The following ATF1 variants were observed in gnomAD, a reference collection of about 807,000 sequenced individuals.
The protein encoded by ATF1 is activating transcription factor 1.
ATF1 carries 16 observed loss-of-function variants against 34.7 expected under a neutral mutation model. The ratio of observed to expected loss-of-function variants is 0.46; its 90% confidence interval spans 0.31 to 0.70. The LOEUF is 0.70. ATF1 is among the 30% of genes least tolerant of loss of function. The pLI, the probability that ATF1 is intolerant of heterozygous loss-of-function variation, is 0.05. For synonymous variants in ATF1, 105 were observed against 113.1 expected, an observed-to-expected ratio of 0.93 and a Z score of 0.46; for missense variants, 255 against 321.6, an observed-to-expected ratio of 0.79 and a Z score of 1.58.
At chr12:50,781,951 G>C (rs1156257765) in intron 2 of ATF1, among the ~76,000 whole-genome samples, 1 of 149,350 alleles carries the variant, frequency 6.7e-6, no homozygotes, top group Non-Finnish European at 1.5e-5. Flanking sequence ...ATGAGTGTAA[G>C]AGCCATTTAA....
chr12:50,788,270 C>A (rs1941227635), intron 2 of ATF1: 1 of 451,630 alleles, frequency 2.2e-6, no homozygotes, highest in African/African-American at 2.0e-5. Context: ...GCAGCCTTGA[C>A]CTCCTGTGCT....
intron 2 of ATF1, among the ~76,000 whole-genome samples, chr12:50,789,341 G>C (rs1941253525): frequency 6.6e-6 from 1 of 152,046 alleles, no homozygotes; most frequent in Admixed American, 6.6e-5. Flanking sequence ...AGTGATTACA[G>C]GTGTGAGCCA....
intron 1 of ATF1, chr12:50,764,795 C>T (rs1940588800): frequency 6.6e-6 from 1 of 152,336 alleles, no homozygotes; most frequent in South Asian, 2.1e-4. Context: ...CGCCCCTTAC[C>T]CTCCTGGAGC....
intron 3 of ATF1, chr12:50,806,311 A>G (rs776904782): frequency 2.3e-6 from 1 of 433,602 alleles, no homozygotes; most frequent in Non-Finnish European, 4.8e-6. Flanking sequence ...CCTGTTCCCA[A>G]GTACTCATTG....
At chr12:50,814,851 A>G (rs1241104843) in intron 6 of ATF1, among the ~76,000 whole-genome samples, 8 of 144,480 alleles carry the variant, frequency 5.5e-5, no homozygotes, top group African/African-American at 2.0e-4. Flanking sequence ...AGTTAACTGT[A>G]GGCCAGGCAT....
intron 3 of ATF1, among the ~76,000 whole-genome samples, chr12:50,801,231 G>T (rs1201091119): frequency 6.6e-6 from 1 of 152,116 alleles, no homozygotes; most frequent in Non-Finnish European, 1.5e-5. Context: ...ATGGTGGTAA[G>T]GTTTCTACAT....
At chr12:50,782,097 T>A (rs1027570075) in intron 2 of ATF1, among the ~76,000 whole-genome samples, 6 of 152,172 alleles carry the variant, frequency 3.9e-5, no homozygotes, top group Non-Finnish European at 7.4e-5. Flanking sequence ...ATGAAAAGGC[T>A]TTTAAAACAC....
intron 3 of ATF1, among the ~76,000 whole-genome samples, chr12:50,808,037 G>A (rs761974384): frequency 5.9e-5 from 9 of 151,812 alleles, no homozygotes; most frequent in African/African-American, 9.7e-5. Flanking sequence ...CTTGAACTCC[G>A]GACCTCAGGT....
intron 2 of ATF1, among the ~76,000 whole-genome samples, chr12:50,781,103 C>T (rs1170922040): frequency 6.6e-6 from 1 of 152,072 alleles, no homozygotes; most frequent in Non-Finnish European, 1.5e-5. Flanking sequence ...AGTATATAGT[C>T]ATCTCTCAGT....
intron 3 of ATF1, 125 bp from the exon 4 acceptor site, chr12:50,809,331 G>A (rs1021229046): frequency 1.0e-5 from 8 of 798,382 alleles, no homozygotes; most frequent in East Asian, 2.9e-5. Context: ...CCATGATGGC[G>A]CCACTGTACT....
At chr12:50,804,386 T>C (rs1463235662) in intron 3 of ATF1, among the ~76,000 whole-genome samples, 1 of 152,100 alleles carries the variant, frequency 6.6e-6, no homozygotes, top group Non-Finnish European at 1.5e-5. Context: ...TAAAATATAT[T>C]TATCAAAAAC....
At chr12:50,776,837 C>T (rs1279155761) in intron 1 of ATF1, among the ~76,000 whole-genome samples, 1 of 152,104 alleles carries the variant, frequency 6.6e-6, no homozygotes, top group Admixed American at 6.6e-5. Flanking sequence ...AATTTATGCA[C>T]ATTCCCTGGA....
intron 2 of ATF1, among the ~76,000 whole-genome samples, chr12:50,792,549 C>G (rs140370172): frequency 2.0e-3 from 302 of 152,196 alleles, no homozygotes; most frequent in African/African-American, 7.0e-3. Flanking sequence ...ACTTAGTGGT[C>G]GAGAGTTGGA....
chr12:50,799,818 T>G (rs1592191379), intron 3 of ATF1, among the ~76,000 whole-genome samples: 1 of 152,150 alleles, frequency 6.6e-6, no homozygotes, highest in Non-Finnish European at 1.5e-5. Context: ...AATCTGAACA[T>G]AGAAAAGAGA....
intron 1 of ATF1, among the ~76,000 whole-genome samples, chr12:50,778,173 C>CCCAA (rs1328996470): frequency 2.0e-5 from 3 of 151,862 alleles, no homozygotes; most frequent in African/African-American, 7.3e-5. Context: ...GCCTCAGCCT[C>CCCAA]CCAATGTGTT....
chr12:50,789,663 G>T (rs1941259679), intron 2 of ATF1, among the ~76,000 whole-genome samples: 1 of 152,132 alleles, frequency 6.6e-6, no homozygotes, highest in Non-Finnish European at 1.5e-5. Context: ...GCTGAGGCAG[G>T]AGAATCGCTT....
chr12:50,774,491 C>T (rs1940861493), intron 1 of ATF1, among the ~76,000 whole-genome samples: 1 of 152,142 alleles, frequency 6.6e-6, no homozygotes, highest in Non-Finnish European at 1.5e-5. Context: ...GGGTTATCTC[C>T]TGTTAAGCTT....
chr12:50,789,095 C>T (rs1194691650), intron 2 of ATF1, among the ~76,000 whole-genome samples: 7 of 144,774 alleles, frequency 4.8e-5, no homozygotes, highest in Non-Finnish European at 6.0e-5. Context: ...TTTTTTTTTT[C>T]GGAGACAGAG....
intron 6 of ATF1, among the ~76,000 whole-genome samples, chr12:50,817,599 G>GAAGT (rs1449705519): frequency 6.6e-6 from 1 of 152,154 alleles, no homozygotes; most frequent in Non-Finnish European, 1.5e-5. Flanking sequence ...ATTACTGAGG[G>GAAGT]AAGTACGGAG....
Sources: gnomAD v4.1 joint callset for allele counts (sites outside exome capture counted in the v4.1 genomes callset) on GRCh38, gnomAD v4.1.1 for gene constraint, MANE v1.5 for transcripts, NCBI Gene and HGNC (gene_info 2026-07-23, HGNC 2026-07-21) for gene names.